The following RPTOR variants were observed in gnomAD, a reference collection of about 807,000 sequenced individuals.
The protein encoded by RPTOR is regulatory associated protein of MTOR complex 1.
Under a neutral mutation model 169.9 loss-of-function variants are expected in RPTOR, and 21 were observed. The ratio of observed to expected loss-of-function variants is 0.12; its 90% CI spans 0.09 to 0.18. RPTOR has a LOEUF of 0.18. Ranked by LOEUF, RPTOR falls within the 10% of genes least tolerant of loss-of-function variation. The probability of loss-of-function intolerance (pLI) is 1.00; values close to 1 mark genes in which losing one functional copy is unlikely to be tolerated. For synonymous variants in RPTOR, 732 were observed against 753.2 expected (o/e 0.97, Z 0.46); for missense variants, 1,133 against 1,855.9 (o/e 0.61, Z 7.16).
chr17:80,883,066 G>A (rs1414642457), intron 14 of RPTOR, among the ~76,000 whole-genome samples: 1 of 152,190 alleles, frequency 6.6e-6, no homozygotes, highest in Non-Finnish European at 1.5e-5. Flanking sequence ...AGGACCGTGT[G>A]CTCACAGAGT....
chr17:80,771,992 C>G (rs1025572128), intron 6 of RPTOR, among the ~76,000 whole-genome samples: 2 of 152,180 alleles, frequency 1.3e-5, no homozygotes, highest in Non-Finnish European at 2.9e-5. Context: ...GCTAATTTTT[C>G]ACATTTTTTG....
chr17:80,938,148 C>A (rs1323910652), intron 24 of RPTOR, among the ~76,000 whole-genome samples: 2 of 152,258 alleles, frequency 1.3e-5, no homozygotes, highest in Non-Finnish European at 2.9e-5. Flanking sequence ...CCCCTGAAAC[C>A]CCTCAGCTCC....
intron 24 of RPTOR, among the ~76,000 whole-genome samples, chr17:80,926,562 G>C (rs988343129): frequency 6.6e-6 from 1 of 152,232 alleles, no homozygotes; most frequent in African/African-American, 2.4e-5. Context: ...TGTCCACAGA[G>C]GGTGAATAGT....
rs557737195 is a variant in RPTOR, at chr17:80,648,101, G to A, written c.348+4291G>A. On this transcript the variant is annotated intron_variant, in intron 3 of 33. Transcript: ENST00000306801. ...AGAACAAAACAGCTCCCAAGATCTGGTCCATTAGCCCAGTAGAAATTGTTA... is the reference window on the plus strand; with the variant it reads ...AGAACAAAACAGCTCCCAAGATCTGATCCATTAGCCCAGTAGAAATTGTTA... 7.2e-5 allele frequency among the ~76,000 whole-genome samples: 11 copies of A among 152,220 alleles called. No homozygotes were observed. In the South Asian group the frequency reaches 2.3e-3, roughly 32 times the overall value.
At chr17:80,772,921 G>A (rs900828320) in intron 6 of RPTOR, among the ~76,000 whole-genome samples, 1 of 152,172 alleles carries the variant, frequency 6.6e-6, no homozygotes, top group Non-Finnish European at 1.5e-5. Flanking sequence ...GGCAGAGCCA[G>A]GGCTACGATT....
chr17:80,702,145 C>T (rs1306228557), intron 3 of RPTOR, among the ~76,000 whole-genome samples: 2 of 152,140 alleles, frequency 1.3e-5, no homozygotes, highest in African/African-American at 4.8e-5. Flanking sequence ...TACCAGGTGT[C>T]ATTTTAGGAC....
intron 1 of RPTOR, among the ~76,000 whole-genome samples, chr17:80,597,432 G>C (rs1178254186): frequency 2.0e-5 from 3 of 152,202 alleles, no homozygotes; most frequent in Non-Finnish European, 4.4e-5. Context: ...TGGGGACCAG[G>C]TGAAGGAATC....
intron 21 of RPTOR, among the ~76,000 whole-genome samples, chr17:80,916,428 T>C (rs1273426488): frequency 6.6e-6 from 1 of 152,236 alleles, no homozygotes; most frequent in Non-Finnish European, 1.5e-5. Flanking sequence ...GCAGCCAGCA[T>C]GCATGGCTGC....
chr17:80,920,456 G>A (rs551287677), intron 21 of RPTOR, among the ~76,000 whole-genome samples: 2 of 152,352 alleles, frequency 1.3e-5, no homozygotes, highest in Admixed American at 6.5e-5. Context: ...CCAGGTACAA[G>A]CCATGTGAAA....
chr17:80,651,203 A>G lies in RPTOR; in HGVS notation c.348+7393A>G, dbSNP rs567746362. On this transcript the variant is annotated intron_variant, in intron 3 of 33. Transcript: ENST00000306801. This position sits in a 1 kb window ranked among gnomAD's most constrained non-coding sequence, Gnocchi z 4.1. ...GGCGAGGGATGGAAGTGCTGCTTCTAAGTCAGAAAGTGGAAGGTGTGATGT... is the reference window on the plus strand; with the variant it reads ...GGCGAGGGATGGAAGTGCTGCTTCTGAGTCAGAAAGTGGAAGGTGTGATGT... 4.7e-4 allele frequency among the ~76,000 whole-genome samples: 71 copies of G among 152,138 alleles called. No homozygotes were observed. The highest frequency in any genetic ancestry group is 7.2e-4 in the Non-Finnish European group (49 of 68,024).
At chr17:80,789,321 C>T (rs886610360) in intron 6 of RPTOR, among the ~76,000 whole-genome samples, 6 of 152,126 alleles carry the variant, frequency 3.9e-5, no homozygotes, top group African/African-American at 1.4e-4. Flanking sequence ...GTAGAGGCTT[C>T]GTTATAGGAC....
chr17:80,964,159 C>A (rs2069391318), intron 33 of RPTOR, 103 bp from the exon 34 acceptor site: 2 of 1,020,812 alleles, frequency 2.0e-6, no homozygotes, highest in Non-Finnish European at 3.0e-6. Flanking sequence ...TCCTGAGACC[C>A]CGGCAGGAGC....
At chr17:80,724,968 G>A (rs890166080) in intron 4 of RPTOR, among the ~76,000 whole-genome samples, 5 of 152,170 alleles carry the variant, frequency 3.3e-5, no homozygotes, top group Admixed American at 1.3e-4. Flanking sequence ...TGCCTCCCCT[G>A]GGACATGCCG....
At chr17:80,847,698 G>T (rs754983639) in intron 11 of RPTOR, among the ~76,000 whole-genome samples, 1 of 152,180 alleles carries the variant, frequency 6.6e-6, no homozygotes, top group Non-Finnish European at 1.5e-5. Context: ...TCTGAGAGTC[G>T]GCAGAGTTGG....
intron 13 of RPTOR, among the ~76,000 whole-genome samples, chr17:80,879,189 G>A (rs564570942): frequency 6.6e-6 from 1 of 152,108 alleles, no homozygotes; most frequent in Non-Finnish European, 1.5e-5. Context: ...TCTTCAGTGG[G>A]CAGCCCTCCA....
intron 9 of RPTOR, among the ~76,000 whole-genome samples, chr17:80,835,253 T>C (rs901323181): frequency 1.3e-5 from 2 of 152,312 alleles, no homozygotes; most frequent in African/African-American, 4.8e-5. Context: ...TCTTAAACTT[T>C]TACTTTTTTT....
chr17:80,923,811 C>T (rs1598403790), intron 23 of RPTOR, 138 bp downstream of exon 23: 4 of 940,406 alleles, frequency 4.3e-6, no homozygotes, highest in Non-Finnish European at 6.3e-6. Flanking sequence ...GGTCTGTGGG[C>T]CACTCTCTGC....
chr17:80,785,539 G>A (rs1233139480), intron 6 of RPTOR, among the ~76,000 whole-genome samples: 2 of 152,188 alleles, frequency 1.3e-5, no homozygotes, highest in Non-Finnish European at 1.5e-5. Context: ...TGGTGAGTGG[G>A]TGAAATGAGT....
In RPTOR at chr17:80,880,588, G is replaced by A. The variant is rs1007150749; in HGVS notation, c.1584+99G>A. ...TGGGGCCTTTTGACGGGGGCTACAG[G>A]AGAAAGGTCAAGGGTCACAGCAGGG... On this transcript the variant is annotated intron_variant, in intron 14 of 33. Transcript: ENST00000306801. 4 of 1,163,384 alleles carry A rather than the reference G, an allele frequency of 3.4e-6. No homozygotes were observed. The African/African-American group carries it at 4.6e-5, about 13-fold the overall frequency. The allele number at this position is 1,163,384 out of a possible 1,614,324, so 72.1% of individuals were successfully genotyped here.
Sources: gnomAD v4.1 joint callset for allele counts (sites outside exome capture counted in the v4.1 genomes callset) on GRCh38, gnomAD v4.1.1 for gene constraint, Gnocchi (gnomAD v3.1) non-coding constraint, MANE v1.5 for transcripts, NCBI Gene and HGNC (gene_info 2026-07-23, HGNC 2026-07-21) for gene names.